GPATCH2L: variants seen among roughly 807,000 people sequenced by gnomAD.
The protein encoded by GPATCH2L is G patch domain-containing protein 2-like.
A neutral mutation model predicts 57.4 loss-of-function variants in GPATCH2L; 31 were observed. That is an observed-to-expected ratio of 0.54 (90% confidence interval 0.41 to 0.73). The LOEUF (loss-of-function observed/expected upper bound fraction) is 0.73, where lower values mean the gene tolerates loss of function less well. GPATCH2L is among the 30% of genes least tolerant of loss of function. The pLI is 0.00. For synonymous variants in GPATCH2L, 199 were observed against 210.7 expected (o/e 0.94, Z 0.48); for missense variants, 481 against 599.9 (o/e 0.80, Z 2.07).
chr14:76,201,413 C>T (rs548115349), intron 9 of GPATCH2L, among the ~76,000 whole-genome samples: 1 of 152,254 alleles, frequency 6.6e-6, no homozygotes, highest in East Asian at 1.9e-4. Flanking sequence ...CACATAAGTA[C>T]GTAATAAGTG....
chr14:76,195,919 T>C lies in GPATCH2L; in HGVS notation c.1235T>C (p.Ile412Thr). The part of the protein sequence containing the change: ...VHWGPPCSRD[I>T]KRKRKPVATA... ...TGGGGACCACCATGTTCACGTGACA[T>C]CAAGAGGAAGCGGAAACCAGTGGCC... The change falls in exon 9 of 10, where the codon ATC becomes ACC. Residue 412 changes from isoleucine (I) to threonine (T), a missense_variant. By Grantham distance (89) the Ile-to-Thr change is moderately conservative. Coordinates refer to ENST00000261530, the MANE Select transcript of GPATCH2L (RefSeq NM_017926.4). 6.2e-7 allele frequency: 1 copy of C among 1,613,882 alleles called. No individual in the cohort carries two copies. The highest frequency in any genetic ancestry group is 8.5e-7 in the Non-Finnish European group (1 of 1,179,808).
chr14:76,227,403 C>G (rs79683440), intron 1 of GPATCH2L, among the ~76,000 whole-genome samples: 2,943 of 152,212 alleles, frequency 0.019, 62 homozygotes, highest in South Asian at 0.077. Flanking sequence ...GAAATGAGAC[C>G]AGTGGAGTAC....
chr14:76,233,219 T>C (rs2040582554), intron 2 of GPATCH2L, among the ~76,000 whole-genome samples: 2 of 152,234 alleles, frequency 1.3e-5, no homozygotes, highest in East Asian at 3.8e-4. Context: ...AGATTGTTGA[T>C]ACATATTGCC....
chr14:76,235,227 T>C (rs145247003), intron 2 of GPATCH2L, among the ~76,000 whole-genome samples: 2 of 151,772 alleles, frequency 1.3e-5, no homozygotes, highest in African/African-American at 4.8e-5. Context: ...CCAAACTATA[T>C]TGAATTGAAT....
rs2040517478 is a variant in GPATCH2L at position 76,222,118 on chromosome 14, A to G, written c.66-7690A>G. On this transcript the variant is annotated intron_variant and NMD_transcript_variant, in intron 1 of 3. Transcript: ENST00000556372. ...TCCTGCTCAATTTAGCTGTGAATCC[A>G]AAACTACTCTAAACTCTATTTTAAA... Among the ~76,000 whole-genome samples, 3 of 152,210 alleles carry G rather than the reference A, an allele frequency of 2.0e-5. 1 individual carries two copies. In the South Asian group the frequency reaches 6.2e-4, roughly 32 times the overall value.
At position 76,213,078 on chromosome 14, in the gene GPATCH2L, A is replaced by C. The variant is rs1395773196; in HGVS notation, c.*11227A>C. 1 of 152,202 alleles carries C rather than the reference A, an allele frequency of 6.6e-6. No homozygotes were observed. Among genetic ancestry groups the C allele is most frequent in the East Asian group, 1.9e-4 (1 of 5,202 alleles). 9.4% of individuals were successfully genotyped at this position (152,202 alleles called of 1,614,324 possible). A position where few individuals can be genotyped will look rare whatever the true frequency, so the allele number is the denominator to read the frequency against. On this transcript the variant is annotated 3_prime_UTR_variant, in exon 10 of 10. Transcript: ENST00000261530. ...TCATATAACTCAAAATATTAGGAAA[A>C]GGAATCTTTTAAAGGCAGGCTAAAA...
At position 76,202,399 on chromosome 14, in the gene GPATCH2L, C is replaced by T. The variant is rs775927430; in HGVS notation, c.*548C>T. ...AAGTTTTGGGGCCTCAAAAGAGACA[C>T]CAGCAACTGGGCCTTGAGAACTTCC... On this transcript the variant is annotated 3_prime_UTR_variant, in exon 10 of 10. Transcript: ENST00000261530. 1 of 152,620 alleles carries T rather than the reference C, an allele frequency of 6.6e-6. No individual in the cohort carries two copies. Among genetic ancestry groups the T allele is most frequent in the African/African-American group, 2.4e-5 (1 of 41,426 alleles). The allele number at this position is 152,620 out of a possible 1,614,324, so 9.5% of individuals were successfully genotyped here. A position where few individuals can be genotyped will look rare whatever the true frequency, so the allele number is the denominator to read the frequency against.
chr14:76,204,610 C>T lies in GPATCH2L; in HGVS notation c.*2759C>T, dbSNP rs1411214225. The stretch of plus-strand genomic sequence containing the variant: ...AATCTGTTATCTTTCAAAGAAGTTA[C>T]GTAGTTTCAAAAATGAGGTTTTGTA... On this transcript the variant is annotated 3_prime_UTR_variant, in exon 10 of 10. Coordinates refer to ENST00000261530, the MANE Select transcript of GPATCH2L (RefSeq NM_017926.4). 3 of 152,134 alleles carry T rather than the reference C, an allele frequency of 2.0e-5. No homozygotes were observed. The highest frequency in any genetic ancestry group is 4.8e-5 in the African/African-American group (2 of 41,434). 9.4% of individuals were successfully genotyped at this position (152,134 alleles called of 1,614,324 possible).
At position 76,180,749 on chromosome 14, in the gene GPATCH2L, T is replaced by C; in HGVS notation, c.1108-15T>C. 1 of 1,556,524 alleles carries C rather than the reference T, an allele frequency of 6.4e-7. No individual in the cohort carries two copies. The stretch of plus-strand genomic sequence containing the variant: ...CATGTAAGCCTTACTAAAATAGTCT[T>C]ATTCATTCCTGCAGTTCAATCCCCT... On this transcript the variant is annotated splice_polypyrimidine_tract_variant and intron_variant, in intron 7 of 9. Transcript: ENST00000261530.
In GPATCH2L at chr14:76,154,787, A is replaced by G; in HGVS notation, c.424A>G (p.Ser142Gly). ...GCGAGTGACATCAGAGGTGGCTGCT[A>G]GCCTTCAGCAGAAGCTGAAGGTGTC... is the stretch of plus-strand genomic sequence containing the variant. ...VKRVTSEVAA[S>G]LQQKLKVSDW... The change falls in exon 2 of 10, where the codon AGC becomes GGC. Residue 142 changes from serine (S) to glycine (G), a missense_variant. Transcript: ENST00000261530. This position sits in a 1 kb window ranked among gnomAD's most constrained non-coding sequence, Gnocchi z 4.4. 6.2e-7 allele frequency: 1 copy of G among 1,614,156 alleles called. No homozygotes were observed. Among genetic ancestry groups the G allele is most frequent in the Admixed American group, 1.7e-5 (1 of 60,032 alleles).
intron 8 of GPATCH2L, among the ~76,000 whole-genome samples, chr14:76,185,976 A>G (rs1323231942): frequency 1.3e-5 from 2 of 152,138 alleles, no homozygotes; most frequent in Non-Finnish European, 2.9e-5. Flanking sequence ...CCATACCTCA[A>G]TTTCTACATC....
rs1218224581 is a variant in GPATCH2L at position 76,203,741 on chromosome 14, T to C, written c.*1890T>C. ...TCTGTTGAATATAAAATCGTACCAC[T>C]GAATTGTTCTAGTGATGAGGTTAGA... On this transcript the variant is annotated 3_prime_UTR_variant, in exon 10 of 10. Coordinates refer to ENST00000261530, the MANE Select transcript of GPATCH2L (RefSeq NM_017926.4). The C allele has an allele frequency of 6.6e-6, 1 of 152,242 alleles. No homozygotes were observed. Among genetic ancestry groups the C allele is most frequent in the African/African-American group, 2.4e-5 (1 of 41,452 alleles). The allele number at this position is 152,242 out of a possible 1,614,324, so 9.4% of individuals were successfully genotyped here.
chr14:76,172,093 C>A, intron 4 of GPATCH2L, 74 bp downstream of exon 4: 3 of 894,860 alleles, frequency 3.4e-6, no homozygotes, highest in Non-Finnish European at 5.1e-6. Flanking sequence ...CCCTAGCAAG[C>A]ATACTCATGC....
chr14:76,172,866 C>T (rs1303207726), intron 4 of GPATCH2L, among the ~76,000 whole-genome samples: 1 of 152,118 alleles, frequency 6.6e-6, no homozygotes, highest in East Asian at 1.9e-4. Context: ...TTTGTCATGG[C>T]GAACCAGCAG....
chr14:76,184,734 T>C (rs1165531938), intron 8 of GPATCH2L, among the ~76,000 whole-genome samples: 1 of 152,194 alleles, frequency 6.6e-6, no homozygotes, highest in Non-Finnish European at 1.5e-5. Flanking sequence ...GTTAACTTGG[T>C]GGTTTTCAAC....
At chr14:76,215,823 G>A (rs1281632410), downstream of GPATCH2L, among the ~76,000 whole-genome samples, 1 of 150,860 alleles carries the variant, frequency 6.6e-6, no homozygotes, top group East Asian at 2.0e-4. Flanking sequence ...GCTAGATGAC[G>A]AGTTAGTGGG....
Position 76,201,883 on chromosome 14 carries a change from G to C in GPATCH2L, c.*32G>C. ...GGACTTCACCCTCCAGGAGCTGACT[G>C]GGTGTTGCTGAAGCAAATGTTGGAC... On this transcript the variant is annotated 3_prime_UTR_variant, in exon 10 of 10. Coordinates refer to ENST00000261530, the MANE Select transcript of GPATCH2L (RefSeq NM_017926.4). 1.3e-6 allele frequency: 2 copies of C among 1,590,764 alleles called. No individual in the cohort carries two copies. Among genetic ancestry groups the C allele is most frequent in the East Asian group, 2.2e-5 (1 of 44,606 alleles).
intron 9 of GPATCH2L, among the ~76,000 whole-genome samples, chr14:76,201,125 AC>A (rs1483924140): frequency 6.6e-6 from 1 of 152,064 alleles, no homozygotes; most frequent in Non-Finnish European, 1.5e-5. Flanking sequence ...CTCTTTTTCT[AC>A]CATTTTCCTT....
intron 1 of GPATCH2L, among the ~76,000 whole-genome samples, chr14:76,221,092 A>T (rs1361829426): frequency 6.6e-6 from 1 of 151,954 alleles, no homozygotes; most frequent in Non-Finnish European, 1.5e-5. Flanking sequence ...AGGCTGGGAT[A>T]AAATGTTTGC....
Sources: allele counts gnomAD v4.1 joint callset (sites outside exome capture counted in the v4.1 genomes callset), GRCh38; gene constraint gnomAD v4.1.1; non-coding constraint Gnocchi (gnomAD v3.1); transcripts MANE v1.5; gene names NCBI Gene and HGNC (gene_info 2026-07-23, HGNC 2026-07-21).